The following FCGR2A variants were observed in gnomAD, a reference collection of about 807,000 sequenced individuals.
FCGR2A encodes the protein Fc gamma receptor IIa.
A neutral mutation model predicts 29.3 loss-of-function variants in FCGR2A; 18 were observed. That is an observed-to-expected ratio of 0.62 (90% CI 0.43 to 0.91). The LOEUF (loss-of-function observed/expected upper bound fraction) is 0.91, where lower values mean the gene tolerates loss of function less well. Ranked by LOEUF, FCGR2A falls within the 40% of genes least tolerant of loss-of-function variation. The pLI is 0.00. For synonymous variants in FCGR2A, 126 were observed against 144.8 expected, an observed-to-expected ratio of 0.87 and a Z score of 0.93; for missense variants, 287 against 393.0, an observed-to-expected ratio of 0.73 and a Z score of 2.28.
Position 161,510,840 on chromosome 1 carries a change from G to C in FCGR2A, c.626G>C (p.Ser209Thr), listed in dbSNP as rs748691249. 13 of 1,614,038 alleles carry C rather than the reference G, an allele frequency of 8.1e-6. No homozygotes were observed. The East Asian group carries it at 2.7e-4, about 33-fold the overall frequency. ...KPVTITVQVP[S>T]MGSSSPMGII... ...TAATGTCTGTCTTCCCTAGTGCCCA[G>C]CATGGGCAGCTCTTCACCAATGGGG... The change falls in exon 5 of 7, where the codon AGC becomes ACC. Residue 209 changes from serine to threonine, a missense_variant. Ser to Thr is a moderately conservative substitution (Grantham distance 58, BLOSUM62 1). Around this residue, in one of 3 missense-constraint regions of FCGR2A, gnomAD observed 72 missense variants for 68.6 expected, o/e 1.05. Transcript: ENST00000271450.
chr1:161,515,608 G>C (rs1557836293), intron 6 of FCGR2A, among the ~76,000 whole-genome samples: 1 of 151,960 alleles, frequency 6.6e-6, no homozygotes. Flanking sequence ...TAAAACACAA[G>C]CTTCAGCAAA....
At chr1:161,509,303 A>G (rs1053382562) in intron 3 of FCGR2A, among the ~76,000 whole-genome samples, 1 of 151,992 alleles carries the variant, frequency 6.6e-6, no homozygotes, top group Non-Finnish European at 1.5e-5. Flanking sequence ...CAGCCAGAAC[A>G]GACTAAGACA....
rs138075633 is a variant in FCGR2A, at chr1:161,519,626, G to C, written c.*1478G>C. ...TGGGGTGTAGACTGAACTATCCGGG[G>C]TCTGTTTCTTTTCGGTGATGAAAGT... On this transcript the variant is annotated 3_prime_UTR_variant, in exon 7 of 7. Coordinates refer to ENST00000271450, the MANE Select transcript of FCGR2A (RefSeq NM_001136219.3). The C allele has an allele frequency of 1.3e-5, 2 of 151,984 alleles. No individual in the cohort carries two copies. The highest frequency in any genetic ancestry group is 4.8e-5 in the African/African-American group (2 of 41,280). 9.4% of individuals were successfully genotyped at this position (151,984 alleles called of 1,614,324 possible).
intron 5 of FCGR2A, 142 bp downstream of exon 5, chr1:161,511,098 A>T (rs1333705007): frequency 7.5e-7 from 1 of 1,338,354 alleles, no homozygotes; most frequent in African/African-American, 1.5e-5. Flanking sequence ...TTCATTTATT[A>T]GTTCATCCTC....
At chr1:161,513,777 T>C in intron 5 of FCGR2A, 118 bp from the exon 6 acceptor site, 1 of 1,447,476 alleles carries the variant, frequency 6.9e-7, no homozygotes, top group East Asian at 2.3e-5. Context: ...CAGGACTGTG[T>C]CAAGGGGTCA....
intron 3 of FCGR2A, 76 bp from the exon 4 acceptor site, chr1:161,509,744 G>C (rs1322736009): frequency 6.4e-7 from 1 of 1,570,814 alleles, no homozygotes; most frequent in Non-Finnish European, 8.7e-7. Context: ...AGTTCTGTGA[G>C]TAACGTACCT....
chr1:161,523,222 G>C (rs796134689), downstream of FCGR2A: 2 of 152,108 alleles, frequency 1.3e-5, no homozygotes, highest in African/African-American at 4.8e-5. Flanking sequence ...GGGAGGTCAC[G>C]GGAAATTGTG....
chr1:161,516,731 T>C (rs1348688125), intron 6 of FCGR2A, among the ~76,000 whole-genome samples: 1 of 149,964 alleles, frequency 6.7e-6, no homozygotes, highest in Non-Finnish European at 1.5e-5. Context: ...TGTGCATCCA[T>C]TGTCAAATTC....
intron 4 of FCGR2A, 132 bp downstream of exon 4, chr1:161,510,206 G>A: frequency 1.3e-6 from 2 of 1,494,938 alleles, no homozygotes; most frequent in Non-Finnish European, 9.0e-7. Flanking sequence ...AGAGGAGTGG[G>A]GTGGAAGCCT....
chr1:161,522,536 C>T (rs1676494806), downstream of FCGR2A, among the ~76,000 whole-genome samples: 2 of 152,064 alleles, frequency 1.3e-5, no homozygotes, highest in Admixed American at 1.3e-4. Context: ...CACAGAACCC[C>T]AGGCTGGGCC....
At chr1:161,511,337 T>G (rs766009546) in intron 5 of FCGR2A, among the ~76,000 whole-genome samples, 13 of 152,064 alleles carry the variant, frequency 8.5e-5, no homozygotes, top group East Asian at 1.9e-4. Context: ...GGGGAGTAGA[T>G]AGGGTACTGC....
chr1:161,509,229 C>T (rs1039478879), intron 3 of FCGR2A, among the ~76,000 whole-genome samples: 3 of 152,174 alleles, frequency 2.0e-5, no homozygotes, highest in African/African-American at 4.8e-5. Flanking sequence ...TTCCAGCCCC[C>T]AGAACAGGGA....
downstream of FCGR2A, among the ~76,000 whole-genome samples, chr1:161,520,234 T>C (rs1676398359): frequency 6.6e-6 from 1 of 152,090 alleles, no homozygotes; most frequent in Non-Finnish European, 1.5e-5. Flanking sequence ...AGAGGGTTAA[T>C]TGGCTCACAG....
chr1:161,522,735 G>A (rs1676503597), downstream of FCGR2A: 1 of 152,114 alleles, frequency 6.6e-6, no homozygotes, highest in South Asian at 2.1e-4. Context: ...CACTGTGTAA[G>A]TCATATATTG....
chr1:161,508,707 A>G (rs1675581550), intron 3 of FCGR2A, among the ~76,000 whole-genome samples: 1 of 152,056 alleles, frequency 6.6e-6, no homozygotes, highest in South Asian at 2.1e-4. Context: ...TATTAAGTCT[A>G]TTGAAACTTT....
chr1:161,507,375 A>G (rs1474526647), intron 3 of FCGR2A, among the ~76,000 whole-genome samples: 1 of 152,186 alleles, frequency 6.6e-6, no homozygotes, highest in Non-Finnish European at 1.5e-5. Flanking sequence ...TTCCCTCCTC[A>G]GGCTCTCAAA....
rs368752463 is a variant in FCGR2A, at chr1:161,510,031, C to A, written c.576C>A (p.Gly192=). The A allele has an allele frequency of 1.2e-6, 2 of 1,613,980 alleles. No individual in the cohort carries two copies. The highest frequency in any genetic ancestry group is 1.7e-6 in the Non-Finnish European group (2 of 1,179,868). ...ATTACCACTGCACAGGAAACATAGG[C>A]TACACGCTGTTCTCATCCAAGCCTG... The part of the protein sequence containing the change: ...SGDYHCTGNI[G]YTLFSSKPVT... The change falls in exon 4 of 7, where the codon GGC becomes GGA. Residue 192 remains glycine, a synonymous_variant. Coordinates refer to ENST00000271450, the MANE Select transcript of FCGR2A (RefSeq NM_001136219.3).
At position 161,506,387 on chromosome 1, in the gene FCGR2A, C is replaced by T; in HGVS notation, c.160C>T (p.Gln54Ter). The T allele has an allele frequency of 6.2e-7, 1 of 1,614,232 alleles. No individual in the cohort carries two copies. Among genetic ancestry groups the T allele is most frequent in the Non-Finnish European group, 8.5e-7 (1 of 1,180,046 alleles). Residue 54 changes from glutamine to a stop codon, truncating the protein, a stop_gained, in exon 3 of 7, where the codon CAG (glutamine) becomes TAG (stop). Transcript: ENST00000271450. LOFTEE classifies it high-confidence loss of function. ...KLEPPWINVL[Q>*]EDSVTLTCQG... Reference sequence around the variant, plus strand: ...TGAGCCCCCGTGGATCAACGTGCTCCAGGAGGACTCTGTGACTCTGACATG... The same window carrying T: ...TGAGCCCCCGTGGATCAACGTGCTCTAGGAGGACTCTGTGACTCTGACATG...
chr1:161,509,673 TA>T, intron 3 of FCGR2A, 146 bp from the exon 4 acceptor site: 1 of 1,098,810 alleles, frequency 9.1e-7, no homozygotes, highest in Non-Finnish European at 1.3e-6. Flanking sequence ...ATATTGCCTA[TA>T]AGAGAATGCT....
Sources: allele counts gnomAD v4.1 joint callset (sites outside exome capture counted in the v4.1 genomes callset), GRCh38; gene constraint gnomAD v4.1.1; regional missense constraint gnomAD v4.1.1; transcripts MANE v1.5; gene names NCBI Gene and HGNC (gene_info 2026-07-23, HGNC 2026-07-21).